Variants in NPIPA7 observed in about 807,000 individuals in gnomAD.
The protein encoded by NPIPA7 is nuclear pore complex-interacting protein family member A7.
rs1395940196 is a variant in NPIPA7 at position 16,386,857 on chromosome 16, CT to C, written c.193-541del. On this transcript the variant is annotated intron_variant, in intron 2 of 7. Coordinates refer to ENST00000530217, the Ensembl canonical transcript of NPIPA7. ...CTTTTCCTGCTGGATTCAAGTGATT[CT>C]CCTGCCTCAGCCTCGCGACTAGCTG... Among the ~76,000 whole-genome samples the C allele has an allele frequency of 2.3e-5, 3 of 127,920 alleles. No homozygotes were observed. In the East Asian group the frequency reaches 7.2e-4, roughly 31 times the overall value. 83.9% of individuals were successfully genotyped at this position (127,920 alleles called of 152,430 possible). A position where few individuals can be genotyped will look rare whatever the true frequency, so the allele number is the denominator to read the frequency against.
At position 16,387,036 on chromosome 16, in the gene NPIPA7, A is replaced by C. The variant is rs1451630425; in HGVS notation, c.193-363A>C. 1.4e-5 allele frequency among the ~76,000 whole-genome samples: 2 copies of C among 138,810 alleles called. 1 individual carries two copies. Among genetic ancestry groups the C allele is most frequent in the Non-Finnish European group, 3.2e-5 (2 of 62,340 alleles). 91.1% of individuals were successfully genotyped at this position (138,810 alleles called of 152,430 possible). A position where few individuals can be genotyped will look rare whatever the true frequency, so the allele number is the denominator to read the frequency against. ...AGTACTGGGATTACAGGAGTGAGCC[A>C]CCCTGCCAGCCTCATGTCATTCTTT... On this transcript the variant is annotated intron_variant, in intron 2 of 7. Coordinates refer to ENST00000530217, the Ensembl canonical transcript of NPIPA7.
intron 4 of NPIPA7, among the ~76,000 whole-genome samples, chr16:16,388,786 C>T (rs1355682836): frequency 0.014 from 2 of 148 alleles, no homozygotes; most frequent in African/African-American, 0.03. Context: ...ACCTCGGCCT[C>T]CCAGTGTGCT....
At chr16:16,386,424 G>C (rs1596855053) in intron 2 of NPIPA7, among the ~76,000 whole-genome samples, 1 of 126,472 alleles carries the variant, frequency 7.9e-6, no homozygotes, top group Non-Finnish European at 1.7e-5. Flanking sequence ...GTACAGTTCA[G>C]TTGTGTGAAG....
intron 4 of NPIPA7, among the ~76,000 whole-genome samples, chr16:16,388,229 T>C (rs2050211705): frequency 2.8e-5 from 1 of 36,346 alleles, no homozygotes; most frequent in African/African-American, 1.4e-4. Context: ...GTATTTTTAC[T>C]AGATATGGGG....
At chr16:16,387,108 T>C (rs2050167094) in intron 2 of NPIPA7, among the ~76,000 whole-genome samples, 1 of 122,132 alleles carries the variant, frequency 8.2e-6, no homozygotes, top group Non-Finnish European at 1.8e-5. Flanking sequence ...CAGAGTCTCA[T>C]TCTGTCGCTC....
intron 2 of NPIPA7, among the ~76,000 whole-genome samples, chr16:16,386,985 G>T (rs2050159006): frequency 6.9e-6 from 1 of 145,664 alleles, no homozygotes. Context: ...CCGACCTCAG[G>T]TGATCCGCCT....
At chr16:16,388,104 G>T (rs1470873701) in intron 4 of NPIPA7, among the ~76,000 whole-genome samples, 5 of 36,240 alleles carry the variant, frequency 1.4e-4, no homozygotes, top group Non-Finnish European at 2.2e-4. Flanking sequence ...TGCCCAGGCT[G>T]CAGTTCAATG....
chr16:16,382,093 G>A (rs200081295), intron 1 of NPIPA7, among the ~76,000 whole-genome samples: 518 of 95,106 alleles, frequency 5.4e-3, no homozygotes, highest in African/African-American at 5.8e-3. Flanking sequence ...TGTGAATGAA[G>A]TAATCTCTTC....
At chr16:16,386,040 C>T (rs1290395901) in intron 2 of NPIPA7, among the ~76,000 whole-genome samples, 1 of 53,506 alleles carries the variant, frequency 1.9e-5, no homozygotes, top group African/African-American at 8.2e-5. Context: ...AGGTATCTGA[C>T]CCACATCTGA....
At chr16:16,388,237 G>A (rs1449264367) in intron 4 of NPIPA7, among the ~76,000 whole-genome samples, 1 of 37,158 alleles carries the variant, frequency 2.7e-5, no homozygotes, top group African/African-American at 1.4e-4. Flanking sequence ...ACTAGATATG[G>A]GGTTTCACCA....
At chr16:16,387,157 A>C (rs1411789965) in intron 2 of NPIPA7, among the ~76,000 whole-genome samples, 31 of 123,582 alleles carry the variant, frequency 2.5e-4, no homozygotes, top group African/African-American at 3.3e-4. Flanking sequence ...CTCACTGCAA[A>C]CTCCGCCTCC....
At chr16:16,387,141 T>C (rs1223316278) in intron 2 of NPIPA7, among the ~76,000 whole-genome samples, 1 of 126,788 alleles carries the variant, frequency 7.9e-6, no homozygotes, top group Non-Finnish European at 1.8e-5. Flanking sequence ...AGTGGTGTGA[T>C]CTCGGCTCAC....
chr16:16,386,639 G>A (rs1232951792), intron 2 of NPIPA7, among the ~76,000 whole-genome samples: 3 of 115,562 alleles, frequency 2.6e-5, no homozygotes, highest in South Asian at 3.1e-4. Context: ...TAGTAGAGAC[G>A]GGGTTTCACC....
At chr16:16,386,607 G>A (rs1463038611) in intron 2 of NPIPA7, among the ~76,000 whole-genome samples, 1 of 107,528 alleles carries the variant, frequency 9.3e-6, no homozygotes, top group Non-Finnish European at 2.0e-5. Context: ...GGGCCACCAT[G>A]CTCAGCTAAT....
At chr16:16,386,471 G>A (rs1388886067) in intron 2 of NPIPA7, among the ~76,000 whole-genome samples, 2 of 50,240 alleles carry the variant, frequency 4.0e-5, no homozygotes, top group Non-Finnish European at 7.4e-5. Context: ...TTTTTTTTGA[G>A]ACAGAGTCTC....
chr16:16,386,240 C>T (rs2050122726), intron 2 of NPIPA7, among the ~76,000 whole-genome samples: 1 of 124,202 alleles, frequency 8.1e-6, no homozygotes, highest in African/African-American at 3.1e-5. Context: ...CTGAGTAGAG[C>T]AGGGACAGAA....
At chr16:16,386,595 G>A (rs1229375117) in intron 2 of NPIPA7, among the ~76,000 whole-genome samples, 119 of 105,934 alleles carry the variant, frequency 1.1e-3, no homozygotes, top group African/African-American at 3.6e-3. Flanking sequence ...GACTACAGGC[G>A]TGGGCCACCA....
At chr16:16,386,886 A>G (rs1428579313) in intron 2 of NPIPA7, among the ~76,000 whole-genome samples, 1 of 131,348 alleles carries the variant, frequency 7.6e-6, no homozygotes, top group African/African-American at 2.7e-5. Flanking sequence ...ACTAGCTGGG[A>G]TTACAGGCAT....
intron 2 of NPIPA7, among the ~76,000 whole-genome samples, chr16:16,387,023 A>ATTTATACG (rs1273201255): frequency 1.7e-4 from 24 of 143,168 alleles, no homozygotes; most frequent in Middle Eastern, 3.6e-3. Flanking sequence ...TACTGGGATT[A>ATTTATACG]CAGGAGTGAG....
Sources: allele counts gnomAD v4.1 joint callset (sites outside exome capture counted in the v4.1 genomes callset), GRCh38; gene constraint gnomAD v4.1.1; transcripts MANE v1.5; gene names NCBI Gene and HGNC (gene_info 2026-07-23, HGNC 2026-07-21).